The following LIMCH1 variants were observed in gnomAD, a reference collection of about 807,000 sequenced individuals.
LIMCH1 encodes the protein LIM and calponin homology domains 1, also known as LIM and calponin homology domains-containing protein 1.
A neutral mutation model predicts 176.5 loss-of-function variants in LIMCH1; 113 were observed. The observed-to-expected ratio is 0.64, with a 90% CI of 0.55 to 0.75. The LOEUF is 0.75. Ranked by LOEUF, LIMCH1 falls within the 30% of genes least tolerant of loss-of-function variation. The pLI, the probability that LIMCH1 is intolerant of heterozygous loss-of-function variation, is 0.00. For synonymous variants in LIMCH1, 619 were observed against 645.9 expected, an observed-to-expected ratio of 0.96 and a Z score of 0.63; for missense variants, 1,674 against 1,814.9, an observed-to-expected ratio of 0.92 and a Z score of 1.41.
chr4:41,557,546 CTG>C lies in LIMCH1; in HGVS notation c.-241+19224_-241+19225del, dbSNP rs34757433. 9.0e-3 allele frequency among the ~76,000 whole-genome samples: 1,328 copies of C among 147,216 alleles called. 12 individuals are homozygous for C. The highest frequency in any genetic ancestry group is 0.035 in the Admixed American group (518 of 14,734). On this transcript the variant is annotated intron_variant, in intron 1 of 31. Coordinates refer to ENST00000503057, the MANE Select transcript of LIMCH1 (RefSeq NM_001330672.2). Reference sequence around the variant, plus strand: ...TGTGTTTTAAAAATCTTTATTGCCTCTGTGTGTGTGTGTGTGTGTGTGTGTGT... The same window carrying C: ...TGTGTTTTAAAAATCTTTATTGCCTCTGTGTGTGTGTGTGTGTGTGTGTGT...
intron 14 of LIMCH1, among the ~76,000 whole-genome samples, chr4:41,643,348 T>C (rs1283478436): frequency 1.3e-5 from 2 of 152,252 alleles, no homozygotes; most frequent in Admixed American, 1.3e-4. Context: ...TAGGCTGGTT[T>C]CAAAAATGGA....
intron 7 of LIMCH1, among the ~76,000 whole-genome samples, chr4:41,622,683 C>G (rs1391183333): frequency 6.6e-6 from 1 of 152,210 alleles, no homozygotes; most frequent in Admixed American, 6.5e-5. Context: ...AACTCCCATT[C>G]ACTGTACAAA....
intron 1 of LIMCH1, among the ~76,000 whole-genome samples, chr4:41,387,383 C>G (rs1282735677): frequency 6.6e-6 from 1 of 152,188 alleles, no homozygotes; most frequent in Non-Finnish European, 1.5e-5. Flanking sequence ...ATTTATTTTA[C>G]AATGAATATA....
At chr4:41,532,626 A>C (rs2077451114) in intron 3 of LIMCH1, among the ~76,000 whole-genome samples, 1 of 152,094 alleles carries the variant, frequency 6.6e-6, no homozygotes, top group Non-Finnish European at 1.5e-5. Flanking sequence ...GGTGAAGGGG[A>C]GTTCTGATGC....
chr4:41,685,896 A>G (rs1585944261), intron 28 of LIMCH1, 66 bp downstream of exon 28: 22 of 1,535,618 alleles, frequency 1.4e-5, no homozygotes, highest in Non-Finnish European at 1.9e-5. Flanking sequence ...TAGAAGGGAG[A>G]AGAATGAAAA....
intron 8 of LIMCH1, among the ~76,000 whole-genome samples, chr4:41,628,336 G>T (rs1319083815): frequency 6.6e-6 from 1 of 150,436 alleles, no homozygotes. Flanking sequence ...TTTGTCTGTT[G>T]TCACCTGACT....
intron 2 of LIMCH1, among the ~76,000 whole-genome samples, chr4:41,505,088 G>T (rs2073974473): frequency 6.6e-6 from 1 of 152,118 alleles, no homozygotes; most frequent in Admixed American, 6.6e-5. Flanking sequence ...AAAATTCTTT[G>T]TTCAGTGTTT....
intron 1 of LIMCH1, among the ~76,000 whole-genome samples, chr4:41,549,173 C>T (rs947234476): frequency 3.3e-5 from 5 of 152,174 alleles, no homozygotes; most frequent in South Asian, 2.1e-4. Flanking sequence ...TACAGGCATA[C>T]GGGCCACTGT....
intron 4 of LIMCH1, among the ~76,000 whole-genome samples, chr4:41,608,901 G>T (rs1208163771): frequency 6.6e-6 from 1 of 152,086 alleles, no homozygotes; most frequent in African/African-American, 2.4e-5. Context: ...TCTTCCTATA[G>T]GCAAACATTC....
intron 1 of LIMCH1, among the ~76,000 whole-genome samples, chr4:41,553,832 T>C (rs2080869355): frequency 6.6e-6 from 1 of 152,172 alleles, no homozygotes; most frequent in South Asian, 2.1e-4. Context: ...ATTTTTGGTT[T>C]ACCTACTATG....
chr4:41,415,805 G>C (rs1340454089), intron 1 of LIMCH1, among the ~76,000 whole-genome samples: 1 of 151,112 alleles, frequency 6.6e-6, no homozygotes, highest in East Asian at 2.0e-4. Flanking sequence ...GTGAAACCCC[G>C]TGTCTACTAA....
intron 1 of LIMCH1, among the ~76,000 whole-genome samples, chr4:41,573,472 A>G (rs1561794312): frequency 6.6e-6 from 1 of 152,204 alleles, no homozygotes; most frequent in Non-Finnish European, 1.5e-5. Flanking sequence ...GGTTGAGGTT[A>G]CACTGTGCAT....
At chr4:41,424,853 T>C (rs975372257) in intron 1 of LIMCH1, among the ~76,000 whole-genome samples, 1 of 152,238 alleles carries the variant, frequency 6.6e-6, no homozygotes, top group South Asian at 2.1e-4. Context: ...GTATCATTCA[T>C]CTTCTGTTTC....
intron 1 of LIMCH1, among the ~76,000 whole-genome samples, chr4:41,434,928 T>A (rs940080722): frequency 1.3e-5 from 2 of 152,268 alleles, no homozygotes; most frequent in Non-Finnish European, 2.9e-5. Flanking sequence ...TTTGCCAGAC[T>A]TTTCTACAGT....
chr4:41,607,938 T>C (rs1438397152), intron 4 of LIMCH1, among the ~76,000 whole-genome samples: 2 of 152,216 alleles, frequency 1.3e-5, no homozygotes, highest in African/African-American at 4.8e-5. Context: ...AATACTAGTT[T>C]TATATGTGAT....
Position 41,633,783 on chromosome 4 carries a change from A to G in LIMCH1, c.2065A>G (p.Lys689Glu). 6.5e-7 allele frequency: 1 copy of G among 1,536,194 alleles called. No homozygotes were observed. The highest frequency in any genetic ancestry group is 8.7e-7 in the Non-Finnish European group (1 of 1,146,924). Reference sequence around the variant, plus strand: ...GCAACAGGATGTGGAAGAATCTTCTAAAGGTCTACCCATGAAAGATCAGAG... The same window carrying G: ...GCAACAGGATGTGGAAGAATCTTCTGAAGGTCTACCCATGAAAGATCAGAG... ...AKQQDVEESS[K>E]GLPMKDQRYG... The change falls in exon 13 of 32, where the codon AAA (lysine) becomes GAA (glutamate). Residue 689 changes from lysine to glutamate, a missense_variant. Lys to Glu is a moderately conservative substitution (Grantham distance 56). Around this residue, in one of 3 missense-constraint regions of LIMCH1, gnomAD observed 1,015 missense variants for 1,102.5 expected, o/e 0.92. Transcript: ENST00000503057.
rs145303184 is a variant in LIMCH1, at chr4:41,650,464, G to A, written c.2892G>A (p.Thr964=). ...REEEKERECP[T]VAPAHSLTKS... The stretch of plus-strand genomic sequence containing the variant: ...AGGAGAAGGAAAGAGAGTGTCCCAC[G>A]GTGGCACCTGCCCACTCCTTAACCA... The change falls in exon 18 of 32, where the codon ACG becomes ACA. Residue 964 remains threonine, a synonymous_variant. Coordinates refer to ENST00000503057, the MANE Select transcript of LIMCH1 (RefSeq NM_001330672.2). The A allele has an allele frequency of 6.6e-5, 107 of 1,613,978 alleles. No homozygotes were observed. The East Asian group carries it at 1.5e-3, about 23-fold the overall frequency.
chr4:41,613,013 TA>T, intron 4 of LIMCH1: 1 of 1,551,958 alleles, frequency 6.4e-7, no homozygotes, highest in Non-Finnish European at 8.7e-7. Flanking sequence ...CCAGATAGTA[TA>T]AACAGGAGCA....
intron 1 of LIMCH1, among the ~76,000 whole-genome samples, chr4:41,596,247 G>C (rs972742592): frequency 2.0e-5 from 3 of 150,954 alleles, no homozygotes; most frequent in African/African-American, 7.4e-5. Flanking sequence ...ACATGTAAAC[G>C]TACCAAATGA....
Sources: allele counts gnomAD v4.1 joint callset (sites outside exome capture counted in the v4.1 genomes callset), GRCh38; gene constraint gnomAD v4.1.1; regional missense constraint gnomAD v4.1.1; transcripts MANE v1.5; gene names NCBI Gene and HGNC (gene_info 2026-07-23, HGNC 2026-07-21).